Variants in NHS observed in about 807,000 individuals in gnomAD.
NHS encodes the protein actin remodeling regulator NHS.
A neutral mutation model predicts 72.5 loss-of-function variants in NHS; 5 were observed. The ratio of observed to expected loss-of-function variants is 0.07; its 90% CI spans 0.04 to 0.14. The LOEUF is 0.14. Ranked by LOEUF, NHS falls within the 10% of genes least tolerant of loss-of-function variation. NHS has a pLI of 1.00. For synonymous variants in NHS, 464 were observed against 547.7 expected (o/e 0.85, Z 2.13); for missense variants, 1,072 against 1,355.7 (o/e 0.79, Z 3.29).
At chrX:17,393,873 T>G (rs1202160481) in intron 1 of NHS, among the ~76,000 whole-genome samples, 1 of 111,620 alleles carries the variant, frequency 9.0e-6, no homozygotes, top group East Asian at 2.8e-4. Flanking sequence ...GACAGAACTT[T>G]GTAGATTTGG....
At chrX:17,443,841 G>A (rs957867778) in intron 1 of NHS, among the ~76,000 whole-genome samples, 1 of 112,253 alleles carries the variant, frequency 8.9e-6, no homozygotes, top group Non-Finnish European at 1.9e-5. Flanking sequence ...CAGCTAATTC[G>A]TTTGTTAGAC....
intron 1 of NHS, among the ~76,000 whole-genome samples, chrX:17,429,255 T>TGC (rs1440017978): frequency 2.8e-5 from 3 of 108,179 alleles, no homozygotes; most frequent in African/African-American, 1.1e-4. Context: ...TGTGTGTGTG[T>TGC]GTGCACACGT....
chrX:17,569,351 C>T (rs564288408), intron 1 of NHS, among the ~76,000 whole-genome samples: 13,403 of 101,662 alleles, frequency 0.13, 3,493 homozygotes, highest in African/African-American at 0.54. Context: ...TTTTAATGAT[C>T]GCCATTCTAA....
chrX:17,563,734 T>C (rs759191910), intron 1 of NHS, among the ~76,000 whole-genome samples: 16 of 106,579 alleles, frequency 1.5e-4, no homozygotes, highest in Admixed American at 5.1e-4. Flanking sequence ...AGAGGTTGAA[T>C]GGAAAGCCAG....
intron 1 of NHS, among the ~76,000 whole-genome samples, chrX:17,401,508 A>G (rs1308557206): frequency 8.9e-6 from 1 of 112,461 alleles, no homozygotes; most frequent in African/African-American, 3.2e-5. Context: ...TTAGTTTCCT[A>G]GGGCTGCTGT....
At chrX:17,441,873 T>G (rs746630577) in intron 1 of NHS, among the ~76,000 whole-genome samples, 1 of 112,152 alleles carries the variant, frequency 8.9e-6, no homozygotes, top group East Asian at 2.8e-4. Context: ...GGAAGTCTTA[T>G]GGATTTCACC....
chrX:17,376,277 G>A lies in NHS; in HGVS notation c.520G>A (p.Val174Met), dbSNP rs1179265331. ...VWALQGKLGGVQRVLSTLDPK... is the reference protein window; with the variant it reads ...VWALQGKLGGMQRVLSTLDPK... ...GGCGCTGCAGGGCAAGCTCGGCGGC[G>A]TGCAGCGCGTCCTCAGCACGCTTGA... Residue 174 changes from valine (V) to methionine (M), a missense_variant, in exon 1 of 9, where the codon GTG becomes ATG. Physicochemically the swap from Val to Met is conservative, Grantham distance 21 (BLOSUM62 1). Transcript: ENST00000676302. The A allele has an allele frequency of 8.6e-7, 1 of 1,162,041 alleles. No individual in the cohort carries two copies. The highest frequency in any genetic ancestry group is 1.1e-6 in the Non-Finnish European group (1 of 875,787).
At chrX:17,404,940 C>G (rs2064522006) in intron 1 of NHS, among the ~76,000 whole-genome samples, 1 of 111,073 alleles carries the variant, frequency 9.0e-6, no homozygotes, top group Non-Finnish European at 1.9e-5. Context: ...CTTTGTACTC[C>G]CAATTCTATA....
At chrX:17,495,151 C>T (rs920454894) in intron 1 of NHS, among the ~76,000 whole-genome samples, 28 of 111,791 alleles carry the variant, frequency 2.5e-4, no homozygotes, top group African/African-American at 9.1e-4. Context: ...CCAAATACTC[C>T]CCAGCCTTGC....
intron 1 of NHS, among the ~76,000 whole-genome samples, chrX:17,599,292 C>T (rs1256634816): frequency 9.0e-6 from 1 of 111,694 alleles, no homozygotes; most frequent in Non-Finnish European, 1.9e-5. Flanking sequence ...CTTTCACAGG[C>T]ACTGCCAAGC....
intron 1 of NHS, among the ~76,000 whole-genome samples, chrX:17,429,224 ATGTGTGTGTGTGTGTG>A (rs10616889): frequency 2.1e-5 from 2 of 96,839 alleles, no homozygotes; most frequent in East Asian, 3.4e-4. Flanking sequence ...GTACTGGGGG[ATGTGTGTGTGTGTGTG>A]TGTGTGTGTG....
At chrX:17,650,046 C>T (rs146754904) in intron 1 of NHS, among the ~76,000 whole-genome samples, 2 of 111,704 alleles carry the variant, frequency 1.8e-5, no homozygotes, top group Non-Finnish European at 3.8e-5. Flanking sequence ...TGGGTCTCAG[C>T]ACGTATTTGA....
chrX:17,397,063 G>T (rs2064479202), intron 1 of NHS, among the ~76,000 whole-genome samples: 1 of 112,758 alleles, frequency 8.9e-6, no homozygotes, highest in Non-Finnish European at 1.9e-5. Context: ...AGTTTAAATG[G>T]AAGGTAGTCA....
At chrX:17,497,182 C>G (rs1160830866) in intron 1 of NHS, among the ~76,000 whole-genome samples, 1 of 111,993 alleles carries the variant, frequency 8.9e-6, no homozygotes, top group Non-Finnish European at 1.9e-5. Context: ...TGACAGGTGC[C>G]TTTTTGTTTT....
At chrX:17,487,706 G>A (rs1449405177) in intron 1 of NHS, among the ~76,000 whole-genome samples, 14 of 111,492 alleles carry the variant, frequency 1.3e-4, no homozygotes, top group Non-Finnish European at 1.3e-4. Flanking sequence ...GGAAGCAAAG[G>A]GGACTCTTTA....
intron 1 of NHS, among the ~76,000 whole-genome samples, chrX:17,379,299 G>A (rs1176767094): frequency 9.1e-6 from 1 of 110,321 alleles, no homozygotes; most frequent in Non-Finnish European, 1.9e-5. Flanking sequence ...CACTGTGACT[G>A]GTGATGGTGG....
chrX:17,643,004 C>T (rs866110366), intron 1 of NHS, among the ~76,000 whole-genome samples: 10 of 111,835 alleles, frequency 8.9e-5, no homozygotes, highest in Non-Finnish European at 1.7e-4. Context: ...AGGAGATTGT[C>T]ACATGCAGTG....
chrX:17,548,392 C>T (rs2065304916), intron 1 of NHS, among the ~76,000 whole-genome samples: 1 of 110,760 alleles, frequency 9.0e-6, no homozygotes, highest in Non-Finnish European at 1.9e-5. Flanking sequence ...GCACATTTTT[C>T]CTGGGCTCCA....
intron 1 of NHS, among the ~76,000 whole-genome samples, chrX:17,535,033 G>A (rs922377523): frequency 6.2e-5 from 7 of 112,278 alleles, no homozygotes; most frequent in African/African-American, 9.7e-5. Context: ...GTGTACTACA[G>A]TGTCTCCCAG....
Sources: gnomAD v4.1 joint callset for allele counts (sites outside exome capture counted in the v4.1 genomes callset) on GRCh38, gnomAD v4.1.1 for gene constraint, MANE v1.5 for transcripts, NCBI Gene and HGNC (gene_info 2026-07-23, HGNC 2026-07-21) for gene names.